MAGI2: variants seen among roughly 807,000 people sequenced by gnomAD.
The protein encoded by MAGI2 is membrane-associated guanylate kinase, WW and PDZ domain-containing protein 2.
A neutral mutation model predicts 133.3 loss-of-function variants in MAGI2; 35 were observed. The ratio of observed to expected loss-of-function variants is 0.26; its 90% CI spans 0.20 to 0.35. MAGI2 has a LOEUF of 0.35. Among genes scored for constraint, MAGI2 ranks in the 10% least tolerant of loss-of-function variants. MAGI2 has a pLI of 1.00. For missense variants in MAGI2, 1,636 were observed against 1,863.4 expected, an observed-to-expected ratio of 0.88 and a Z score of 2.25; for synonymous variants, 729 against 710.6, an observed-to-expected ratio of 1.03 and a Z score of -0.41.
intron 1 of MAGI2, among the ~76,000 whole-genome samples, chr7:79,089,338 G>A (rs558985503): frequency 2.0e-5 from 3 of 152,028 alleles, no homozygotes; most frequent in Non-Finnish European, 2.9e-5. Flanking sequence ...AAATATGAAC[G>A]TTTTTACACT....
intron 7 of MAGI2, among the ~76,000 whole-genome samples, chr7:78,361,705 C>G (rs530545341): frequency 5.3e-5 from 8 of 152,224 alleles, no homozygotes; most frequent in Admixed American, 2.0e-4. Context: ...CTATGTGGAA[C>G]CAGAAGATTT....
At chr7:78,249,025 TA>T (rs910556116) in intron 10 of MAGI2, among the ~76,000 whole-genome samples, 35 of 149,552 alleles carry the variant, frequency 2.3e-4, no homozygotes, top group Non-Finnish European at 3.9e-4. Flanking sequence ...GCTTAACAGC[TA>T]AAAAAAAATA....
chr7:79,136,126 A>C (rs1036348257), intron 1 of MAGI2, among the ~76,000 whole-genome samples: 1 of 150,620 alleles, frequency 6.6e-6, no homozygotes, highest in Admixed American at 6.6e-5. Flanking sequence ...AGAAAGAAAG[A>C]AAGACACAAA....
chr7:78,541,663 C>G (rs1163584180), intron 3 of MAGI2, among the ~76,000 whole-genome samples: 1 of 152,138 alleles, frequency 6.6e-6, no homozygotes, highest in African/African-American at 2.4e-5. Flanking sequence ...ATTCTCAGGC[C>G]CCACTCTGCA....
chr7:78,477,143 C>G (rs754959970), intron 6 of MAGI2, among the ~76,000 whole-genome samples: 21 of 151,914 alleles, frequency 1.4e-4, no homozygotes, highest in Non-Finnish European at 2.8e-4. Context: ...ATCAGTGCTT[C>G]ACCTTTCTAT....
chr7:78,414,268 G>A (rs137891941), intron 6 of MAGI2, among the ~76,000 whole-genome samples: 107 of 151,850 alleles, frequency 7.0e-4, no homozygotes, highest in African/African-American at 2.3e-3. Flanking sequence ...GTGGCATGGG[G>A]AAAAGAATAA....
intron 1 of MAGI2, among the ~76,000 whole-genome samples, chr7:79,196,226 A>C (rs1211882431): frequency 6.6e-6 from 1 of 151,868 alleles, no homozygotes; most frequent in Non-Finnish European, 1.5e-5. Context: ...ATTTAAAAAT[A>C]AATAAAATTT....
chr7:78,360,817 C>T (rs1483436452), intron 7 of MAGI2, among the ~76,000 whole-genome samples: 4 of 152,188 alleles, frequency 2.6e-5, no homozygotes, highest in African/African-American at 9.6e-5. Flanking sequence ...GTCTTCCCCG[C>T]CTTCACAAGG....
At chr7:78,496,024 A>G (rs1446994296) in intron 5 of MAGI2, among the ~76,000 whole-genome samples, 1 of 152,180 alleles carries the variant, frequency 6.6e-6, no homozygotes, top group Non-Finnish European at 1.5e-5. Context: ...TGCATACCAA[A>G]AATTTGATTT....
At chr7:78,489,449 A>T (rs1327623134) in intron 6 of MAGI2, among the ~76,000 whole-genome samples, 1 of 152,078 alleles carries the variant, frequency 6.6e-6, no homozygotes, top group Non-Finnish European at 1.5e-5. Flanking sequence ...TTAAAAGATC[A>T]GAGTCCTCAG....
chr7:78,441,159 A>G (rs866957107), intron 6 of MAGI2, among the ~76,000 whole-genome samples: 5 of 152,148 alleles, frequency 3.3e-5, no homozygotes, highest in Admixed American at 6.5e-5. Context: ...GATCCTGCAC[A>G]ATTTGGTCTC....
intron 16 of MAGI2, among the ~76,000 whole-genome samples, chr7:78,153,188 C>A (rs3807690): frequency 0.19 from 29,408 of 152,164 alleles, 3,020 homozygotes; most frequent in East Asian, 0.34. Context: ...ACAAACCTCA[C>A]TATGGAGGTT....
chr7:78,255,043 AT>A (rs1792821653), intron 10 of MAGI2: 1 of 152,276 alleles, frequency 6.6e-6, no homozygotes, highest in African/African-American at 2.4e-5. Flanking sequence ...GCTTAGCCTG[AT>A]CCTTTTCCTT....
chr7:78,034,645 A>T (rs917988222), intron 21 of MAGI2, among the ~76,000 whole-genome samples: 2 of 152,070 alleles, frequency 1.3e-5, no homozygotes, highest in Non-Finnish European at 2.9e-5. Flanking sequence ...CTCCTGCCTC[A>T]GCCTCCCTAG....
At chr7:79,177,323 C>A (rs1826188424) in intron 1 of MAGI2, 1 of 151,938 alleles carries the variant, frequency 6.6e-6, no homozygotes, top group African/African-American at 2.4e-5. Context: ...AAAATACACA[C>A]ATGAATGCAT....
intron 3 of MAGI2, among the ~76,000 whole-genome samples, chr7:78,565,201 C>T (rs1221906809): frequency 6.6e-6 from 1 of 152,012 alleles, no homozygotes; most frequent in Admixed American, 6.6e-5. Flanking sequence ...GTGGCTTGCA[C>T]CTGTAATCCC....
Position 78,725,815 on chromosome 7 carries a change from C to CAACAAACAAACAAACA in MAGI2, c.419-98592_419-98577dup, listed in dbSNP as rs371894892. On this transcript the variant is annotated intron_variant, in intron 2 of 21. Transcript: ENST00000354212. ...CTCGGTCTCAATACAACAACAACCA[C>CAACAAACAAACAAACA]AACAAACAAACAAACAAACAAAGTT... 2.6e-3 allele frequency among the ~76,000 whole-genome samples: 391 copies of CAACAAACAAACAAACA among 151,950 alleles called. 3 individuals carry two copies. The highest frequency in any genetic ancestry group is 7.8e-3 in the African/African-American group (322 of 41,370).
chr7:78,093,345 T>C (rs922138815), intron 20 of MAGI2, among the ~76,000 whole-genome samples: 1 of 151,376 alleles, frequency 6.6e-6, no homozygotes, highest in African/African-American at 2.4e-5. Flanking sequence ...TCCCAACTAC[T>C]CTGGAGGCTG....
intron 2 of MAGI2, chr7:79,006,758 C>T (rs1462615369): frequency 5.2e-6 from 1 of 193,008 alleles, no homozygotes; most frequent in Non-Finnish European, 1.0e-5. Context: ...ATTCTCCTGT[C>T]TCCCAATGTG....
Sources: allele counts gnomAD v4.1 joint callset (sites outside exome capture counted in the v4.1 genomes callset), GRCh38; gene constraint gnomAD v4.1.1; transcripts MANE v1.5; gene names NCBI Gene and HGNC (gene_info 2026-07-23, HGNC 2026-07-21).